Variants in KLF8 observed in about 807,000 individuals in gnomAD.
KLF8 encodes KLF transcription factor 8, also known as Krueppel-like factor 8.
Under a neutral mutation model 18.2 loss-of-function variants are expected in KLF8, and 10 were observed. That is an observed-to-expected ratio of 0.55 (90% CI 0.34 to 0.93). The LOEUF is 0.93. Among genes scored for constraint, KLF8 ranks in the 40% least tolerant of loss-of-function variants. The pLI is 0.02. For synonymous variants in KLF8, 109 were observed against 97.3 expected (o/e 1.12, Z -0.71); for missense variants, 264 against 277.9 (o/e 0.95, Z 0.36).
chrX:56,033,411 T>G, the KLF8 span, among the ~76,000 whole-genome samples: 1 of 111,412 alleles, frequency 9.0e-6, no homozygotes, highest in Non-Finnish European at 1.9e-5. Context: ...TCTTTATCAA[T>G]TTTTTTTGAT....
the KLF8 span, among the ~76,000 whole-genome samples, chrX:56,006,843 T>C: frequency 5.0e-3 from 559 of 112,197 alleles, 11 homozygotes; most frequent in Admixed American, 0.048. Flanking sequence ...TGTTAGGCTT[T>C]CCTATTGTGC....
At chrX:55,979,442 T>G in the KLF8 span, among the ~76,000 whole-genome samples, 1 of 111,973 alleles carries the variant, frequency 8.9e-6, no homozygotes, top group Non-Finnish European at 1.9e-5. Context: ...ACTGGGGGTC[T>G]TGGTACATAT....
At chrX:56,106,173 G>A in the KLF8 span, among the ~76,000 whole-genome samples, 1 of 111,106 alleles carries the variant, frequency 9.0e-6, no homozygotes, top group African/African-American at 3.3e-5. Context: ...TTCAGTGTTG[G>A]TAAATCTGAT....
chrX:55,944,217 G>A, the KLF8 span, among the ~76,000 whole-genome samples: 6 of 108,743 alleles, frequency 5.5e-5, no homozygotes, highest in Non-Finnish European at 9.6e-5. Context: ...TTGATGTGCT[G>A]CTGGATTCGG....
rs1230066104 is a variant in KLF8 at position 56,289,100 on chromosome X, A to G, written c.*4606A>G. Among the ~76,000 whole-genome samples, 1 of 112,398 alleles carries G rather than the reference A, an allele frequency of 8.9e-6. No homozygotes were observed. Among genetic ancestry groups the G allele is most frequent in the African/African-American group, 3.2e-5 (1 of 30,911 alleles). ...TCTTCTCCCCCATTTATTTATTTAT[A>G]CAATACTTTATTTATATCAGCATGG... On this transcript the variant is annotated 3_prime_UTR_variant, in exon 6 of 6. Coordinates refer to ENST00000468660, the MANE Select transcript of KLF8 (RefSeq NM_007250.5).
chrX:56,208,703 A>C, the KLF8 span, among the ~76,000 whole-genome samples: 2 of 111,330 alleles, frequency 1.8e-5, no homozygotes, highest in Admixed American at 9.6e-5. Context: ...TTCAATTTTA[A>C]ATTTTTCATT....
At position 56,265,447 on chromosome X, in the gene KLF8, C is replaced by T. The variant is rs1383363632; in HGVS notation, c.349C>T (p.Pro117Ser). 1.7e-6 allele frequency: 2 copies of T among 1,210,149 alleles called. No homozygotes were observed. Among genetic ancestry groups the T allele is most frequent in the African/African-American group, 1.7e-5 (1 of 57,244 alleles). The change falls in exon 3 of 6, where the codon CCC (proline) becomes TCC (serine). Residue 117 changes from proline (P) to serine (S), a missense_variant. By Grantham distance (74) the Pro-to-Ser change is moderately conservative. This residue lies in a region of KLF8 where 221 missense variants were observed against 193.6 expected (regional missense o/e 1.14). Coordinates refer to ENST00000468660, the MANE Select transcript of KLF8 (RefSeq NM_007250.5). The stretch of plus-strand genomic sequence containing the variant: ...ACGTCCCCCCAAGCCACAGTCTTCT[C>T]CCCAGACCCTTGTGGTGTCCACGTC... ...PIRPPKPQSS[P>S]QTLVVSTSTS...
the KLF8 span, among the ~76,000 whole-genome samples, chrX:56,136,734 A>G: frequency 9.0e-6 from 1 of 111,599 alleles, no homozygotes; most frequent in South Asian, 3.7e-4. Context: ...CAATGGCAAC[A>G]AAAGCCAAAA....
chrX:55,949,788 T>TC, the KLF8 span, among the ~76,000 whole-genome samples: 1 of 107,240 alleles, frequency 9.3e-6, no homozygotes, highest in Non-Finnish European at 1.9e-5. Flanking sequence ...AGACTCCGTT[T>TC]CAAAAAAAAA....
chrX:56,193,208 C>G, the KLF8 span, among the ~76,000 whole-genome samples: 1 of 112,480 alleles, frequency 8.9e-6, no homozygotes, highest in Admixed American at 9.4e-5. Flanking sequence ...GGCAAACAAG[C>G]TTATGAAAAG....
At chrX:56,156,799 G>A in the KLF8 span, among the ~76,000 whole-genome samples, 3 of 97,563 alleles carry the variant, frequency 3.1e-5, no homozygotes, top group Non-Finnish European at 6.0e-5. Context: ...TCCCACCTAT[G>A]AGTGAGAACA....
intron 5 of KLF8, 47 bp from the exon 6 acceptor site, chrX:56,284,266 A>G (rs773494916): frequency 4.3e-5 from 41 of 963,367 alleles, no homozygotes; most frequent in East Asian, 3.5e-5. Context: ...CTAGTATCCG[A>G]TCATCCTCTC....
the KLF8 span, among the ~76,000 whole-genome samples, chrX:56,225,845 C>A: frequency 8.9e-6 from 1 of 112,155 alleles, no homozygotes; most frequent in South Asian, 3.7e-4. Flanking sequence ...TAAATTATTC[C>A]ATTCTACAAA....
At chrX:56,039,874 A>G in the KLF8 span, among the ~76,000 whole-genome samples, 1 of 111,324 alleles carries the variant, frequency 9.0e-6, no homozygotes, top group Non-Finnish European at 1.9e-5. Context: ...TGGAATATGT[A>G]TTTGTTTGTG....
the KLF8 span, among the ~76,000 whole-genome samples, chrX:56,155,657 T>C: frequency 8.9e-6 from 1 of 111,747 alleles, no homozygotes; most frequent in South Asian, 3.7e-4. Flanking sequence ...CATAGTATCT[T>C]TTTTTAAATT....
Position 56,289,619 on chromosome X carries a change from C to T in KLF8, c.*5125C>T, listed in dbSNP as rs1294807147. Among the ~76,000 whole-genome samples, 1 of 111,625 alleles carries T rather than the reference C, an allele frequency of 9.0e-6. No homozygotes were observed. Among genetic ancestry groups the T allele is most frequent in the Non-Finnish European group, 1.9e-5 (1 of 53,147 alleles). ...GTTACCACGTGAATCATTCTAGCTT[C>T]TTCCTGTTAGTTACATGAAGCCTCC... On this transcript the variant is annotated 3_prime_UTR_variant, in exon 6 of 6. Transcript: ENST00000468660.
the KLF8 span, among the ~76,000 whole-genome samples, chrX:56,163,217 A>G: frequency 8.9e-6 from 1 of 112,018 alleles, no homozygotes; most frequent in Non-Finnish European, 1.9e-5. Context: ...CCAACAGTGT[A>G]GAAGCATTTT....
chrX:55,925,658 G>C, the KLF8 span, among the ~76,000 whole-genome samples: 6 of 111,610 alleles, frequency 5.4e-5, no homozygotes, highest in East Asian at 1.7e-3. Flanking sequence ...CAGGAATCCA[G>C]ATTTAAAACC....
At chrX:56,280,448 T>G (rs1364473137) in intron 5 of KLF8, among the ~76,000 whole-genome samples, 1 of 111,936 alleles carries the variant, frequency 8.9e-6, no homozygotes, top group African/African-American at 3.2e-5. Flanking sequence ...GTTGCCCAGG[T>G]TGGTCTCGAA....
Sources: allele counts gnomAD v4.1 joint callset (sites outside exome capture counted in the v4.1 genomes callset), GRCh38; gene constraint gnomAD v4.1.1; regional missense constraint gnomAD v4.1.1; transcripts MANE v1.5; gene names NCBI Gene and HGNC (gene_info 2026-07-23, HGNC 2026-07-21).